CSMD1: variants seen among roughly 807,000 people sequenced by gnomAD.
CSMD1 encodes CUB and Sushi multiple domains 1, also known as CUB and sushi domain-containing protein 1.
Under a neutral mutation model 417.5 loss-of-function variants are expected in CSMD1, and 213 were observed. The ratio of observed to expected loss-of-function variants is 0.51; its 90% confidence interval spans 0.46 to 0.57. The LOEUF (loss-of-function observed/expected upper bound fraction) is 0.57, where lower values mean the gene tolerates loss of function less well. Among genes scored for constraint, CSMD1 ranks in the 20% least tolerant of loss-of-function variants. CSMD1 has a pLI of 0.00. For synonymous variants in CSMD1, 2,862 were observed against 1,736.8 expected, an observed-to-expected ratio of 1.65 and a Z score of -16.11; for missense variants, 6,923 against 4,529.7, an observed-to-expected ratio of 1.53 and a Z score of -15.17.
intron 6 of CSMD1, among the ~76,000 whole-genome samples, chr8:3,733,063 T>C (rs917278264): frequency 1.3e-5 from 2 of 151,822 alleles, no homozygotes; most frequent in Admixed American, 6.6e-5. Context: ...TAAATGCTGC[T>C]GATTGGTTTT....
chr8:4,340,105 T>TTA (rs1800391677), intron 3 of CSMD1, among the ~76,000 whole-genome samples: 1 of 152,250 alleles, frequency 6.6e-6, no homozygotes, highest in Admixed American at 6.5e-5. Context: ...GAGTTAACCT[T>TTA]AGAAGTTTTG....
chr8:3,315,106 C>T (rs563747597), intron 23 of CSMD1, among the ~76,000 whole-genome samples: 34 of 152,236 alleles, frequency 2.2e-4, no homozygotes, highest in African/African-American at 7.2e-4. Flanking sequence ...TAAGACATTT[C>T]AATTGGGATA....
At chr8:4,090,011 T>C (rs577815499) in intron 3 of CSMD1, among the ~76,000 whole-genome samples, 1 of 152,208 alleles carries the variant, frequency 6.6e-6, no homozygotes, top group African/African-American at 2.4e-5. Context: ...TACTAGCCTG[T>C]TTTGTAAAGG....
intron 5 of CSMD1, among the ~76,000 whole-genome samples, chr8:3,795,493 TCATA>T (rs1248746601): frequency 0.021 from 61 of 2,932 alleles, 29 homozygotes; most frequent in Non-Finnish European, 0.032. Context: ...TATATATCTA[TCATA>T]GATATAGATA....
At chr8:4,088,633 G>A (rs561817599) in intron 3 of CSMD1, among the ~76,000 whole-genome samples, 4 of 152,134 alleles carry the variant, frequency 2.6e-5, no homozygotes, top group Non-Finnish European at 5.9e-5. Context: ...ACCAGGTTGA[G>A]AGTAAAGCCC....
At position 3,523,817 on chromosome 8, in the gene CSMD1, G is replaced by A. The variant is rs183399329; in HGVS notation, c.1345-30091C>T. 5.1e-3 allele frequency among the ~76,000 whole-genome samples: 428 copies of A among 84,468 alleles called. 10 individuals are homozygous for A. In the East Asian group the frequency reaches 0.11, roughly 21 times the overall value. 55.4% of individuals were successfully genotyped at this position (84,468 alleles called of 152,430 possible). A position where few individuals can be genotyped will look rare whatever the true frequency, so the allele number is the denominator to read the frequency against. Reference sequence around the variant, plus strand: ...TGCACACATGTGCACATACACACACGCACATATGCATGCACACCCAGAGAC... The same window carrying A: ...TGCACACATGTGCACATACACACACACACATATGCATGCACACCCAGAGAC... On this transcript the variant is annotated intron_variant, in intron 10 of 69. Coordinates refer to ENST00000635120, the MANE Select transcript of CSMD1 (RefSeq NM_033225.6).
intron 23 of CSMD1, among the ~76,000 whole-genome samples, chr8:3,341,357 A>T (rs2117601841): frequency 6.6e-6 from 1 of 152,316 alleles, no homozygotes; most frequent in East Asian, 1.9e-4. Context: ...AGCCCCTGAA[A>T]TTCCAGTATG....
intron 5 of CSMD1, among the ~76,000 whole-genome samples, chr8:3,957,276 C>A (rs753843665): frequency 2.6e-5 from 4 of 152,162 alleles, no homozygotes; most frequent in Middle Eastern, 3.2e-3. Context: ...AGTGGGGATA[C>A]ATGTACTTTT....
intron 18 of CSMD1, among the ~76,000 whole-genome samples, chr8:3,385,030 A>C (rs1810906531): frequency 8.5e-6 from 1 of 117,250 alleles, no homozygotes; most frequent in African/African-American, 3.4e-5. Flanking sequence ...ATATAAATAT[A>C]ATATATATAA....
intron 19 of CSMD1, among the ~76,000 whole-genome samples, chr8:3,368,911 G>A (rs1182323812): frequency 6.6e-6 from 1 of 152,140 alleles, no homozygotes. Flanking sequence ...CATGAAATTG[G>A]AAGTTGGACA....
At chr8:3,393,829 G>A (rs961432974) in intron 17 of CSMD1, among the ~76,000 whole-genome samples, 14 of 151,058 alleles carry the variant, frequency 9.3e-5, no homozygotes, top group Non-Finnish European at 1.8e-4. Flanking sequence ...TCACACTCTG[G>A]GGCCTGTTGT....
chr8:3,912,267 C>G lies in CSMD1; in HGVS notation c.818+85636G>C, dbSNP rs77866968. The stretch of plus-strand genomic sequence containing the variant: ...TTACTGGGAAATATCACTAATTATT[C>G]AAAAAACAATATACGGAGGGTGAAT... On this transcript the variant is annotated intron_variant, in intron 5 of 69. Transcript: ENST00000635120. Among the ~76,000 whole-genome samples, 13 of 152,122 alleles carry G rather than the reference C, an allele frequency of 8.5e-5. No homozygotes were observed. The East Asian group carries it at 2.5e-3, about 29-fold the overall frequency.
At chr8:3,248,799 A>G (rs1256924419) in intron 26 of CSMD1, among the ~76,000 whole-genome samples, 2 of 151,990 alleles carry the variant, frequency 1.3e-5, no homozygotes, top group Admixed American at 6.6e-5. Context: ...ATTTTACCCT[A>G]TTCTCTTGTT....
At chr8:3,094,296 G>A (rs1001858139) in intron 47 of CSMD1, among the ~76,000 whole-genome samples, 5 of 151,906 alleles carry the variant, frequency 3.3e-5, no homozygotes, top group African/African-American at 1.2e-4. Context: ...TAGCAGAGAC[G>A]GTTTCACCAC....
At chr8:2,987,604 T>C (rs1427502226) in intron 54 of CSMD1, among the ~76,000 whole-genome samples, 1 of 152,210 alleles carries the variant, frequency 6.6e-6, no homozygotes, top group Admixed American at 6.5e-5. Context: ...GTAAGGAATG[T>C]ACACTGCATT....
chr8:4,446,937 A>T lies in CSMD1; in HGVS notation c.303-26872T>A, dbSNP rs544037893. On this transcript the variant is annotated intron_variant, in intron 2 of 69. Coordinates refer to ENST00000635120, the MANE Select transcript of CSMD1 (RefSeq NM_033225.6). ...CGCCTGGCAGAGACCGTGTTTATTT[A>T]AAAAAAAAAAAAACATTGGCCCTAC... Among the ~76,000 whole-genome samples, 25 of 82,316 alleles carry T rather than the reference A, an allele frequency of 3.0e-4. 1 individual carries two copies. Among genetic ancestry groups the T allele is most frequent in the African/African-American group, 1.3e-3 (16 of 12,500 alleles). The allele number at this position is 82,316 out of a possible 152,430, so 54.0% of individuals were successfully genotyped here.
rs374578761 is a variant in CSMD1, at chr8:4,676,151, A to G, written c.86-38593T>C. ...ATAAGATGTTTTGTCATATAAACAG[A>G]CATGTTTTCTATATTATCAAGGTCA... is the stretch of plus-strand genomic sequence containing the variant. On this transcript the variant is annotated intron_variant, in intron 1 of 69. Transcript: ENST00000635120. 2.6e-5 allele frequency among the ~76,000 whole-genome samples: 4 copies of G among 152,314 alleles called. No individual in the cohort carries two copies. In the East Asian group the frequency reaches 5.8e-4, roughly 22 times the overall value.
At chr8:3,592,156 C>G (rs1000444642) in intron 8 of CSMD1, among the ~76,000 whole-genome samples, 3 of 151,770 alleles carry the variant, frequency 2.0e-5, no homozygotes, top group Non-Finnish European at 1.5e-5. Flanking sequence ...AAGTAGATAT[C>G]CATCTGGTTA....
At chr8:3,435,781 C>G (rs1814521105) in intron 12 of CSMD1, among the ~76,000 whole-genome samples, 1 of 152,136 alleles carries the variant, frequency 6.6e-6, no homozygotes, top group Non-Finnish European at 1.5e-5. Flanking sequence ...AGGCAACTGC[C>G]CTGCACAAAA....
Sources: gnomAD v4.1 joint callset for allele counts (sites outside exome capture counted in the v4.1 genomes callset) on GRCh38, gnomAD v4.1.1 for gene constraint, MANE v1.5 for transcripts, NCBI Gene and HGNC (gene_info 2026-07-23, HGNC 2026-07-21) for gene names.